The following NCAM1 variants were observed in gnomAD, a reference collection of about 807,000 sequenced individuals.
The protein encoded by NCAM1 is neural cell adhesion molecule 1.
Under a neutral mutation model 109.8 loss-of-function variants are expected in NCAM1, and 14 were observed. That is an observed-to-expected ratio of 0.13 (90% CI 0.08 to 0.20). The LOEUF (loss-of-function observed/expected upper bound fraction) is 0.20, where lower values mean the gene tolerates loss of function less well. Among genes scored for constraint, NCAM1 ranks in the 10% least tolerant of loss-of-function variants. NCAM1 has a pLI of 1.00. For missense variants in NCAM1, 774 were observed against 1,109.9 expected (o/e 0.70, Z 4.30); for synonymous variants, 418 against 442.9 (o/e 0.94, Z 0.70).
intron 1 of NCAM1, among the ~76,000 whole-genome samples, chr11:112,965,549 C>T (rs1337267733): frequency 6.6e-6 from 1 of 152,176 alleles, no homozygotes; most frequent in Admixed American, 6.5e-5. Flanking sequence ...AATCTTTAGA[C>T]ATGTTTTTGT....
rs189409842 is a variant in NCAM1, at chr11:112,990,745, G to T, written c.52+29081G>T. Among the ~76,000 whole-genome samples, 9 of 152,298 alleles carry T rather than the reference G, an allele frequency of 5.9e-5. No homozygotes were observed. In the East Asian group the frequency reaches 1.7e-3, roughly 29 times the overall value. ...AGGACAATGATCAAACAGAGCTGTA[G>T]CTGAGTCCACAGGAGTATGGAAGCC... On this transcript the variant is annotated intron_variant, in intron 1 of 19. Coordinates refer to ENST00000316851, the MANE Select transcript of NCAM1 (RefSeq NM_181351.5).
intron 1 of NCAM1, among the ~76,000 whole-genome samples, chr11:113,021,238 CT>C (rs1214054787): frequency 3.9e-5 from 6 of 152,320 alleles, no homozygotes; most frequent in South Asian, 4.1e-4. Flanking sequence ...CAGATCATCA[CT>C]GCAAAGGATC....
intron 9 of NCAM1, among the ~76,000 whole-genome samples, chr11:113,230,881 G>A (rs573805645): frequency 5.4e-4 from 82 of 152,316 alleles, no homozygotes; most frequent in African/African-American, 1.9e-3. Flanking sequence ...TAAGGACTAT[G>A]TGCTTATTCT....
At chr11:113,208,101 A>G in intron 7 of NCAM1, 99 bp downstream of exon 7, 1 of 1,347,300 alleles carries the variant, frequency 7.4e-7, no homozygotes, top group Non-Finnish European at 1.0e-6. Context: ...CCCTCAGAAC[A>G]TAACCCAATG....
chr11:113,126,155 C>CAA (rs5794846), intron 1 of NCAM1, among the ~76,000 whole-genome samples: 234 of 140,766 alleles, frequency 1.7e-3, no homozygotes, highest in African/African-American at 4.0e-3. Flanking sequence ...TACCCTTTCT[C>CAA]AAAAAAAAAA....
At chr11:113,194,337 T>C (rs1325911212) in intron 1 of NCAM1, among the ~76,000 whole-genome samples, 1 of 152,222 alleles carries the variant, frequency 6.6e-6, no homozygotes, top group African/African-American at 2.4e-5. Flanking sequence ...AAAGCCATAT[T>C]CACCTTCTCC....
intron 1 of NCAM1, among the ~76,000 whole-genome samples, chr11:113,081,388 A>G (rs931476728): frequency 6.6e-6 from 1 of 152,206 alleles, no homozygotes; most frequent in Admixed American, 6.5e-5. Flanking sequence ...GGCATGAACA[A>G]TAGAGGAAGT....
At position 113,149,761 on chromosome 11, in the gene NCAM1, T is replaced by C. The variant is rs1942158255; in HGVS notation, c.53-52618T>C. On this transcript the variant is annotated intron_variant, in intron 1 of 19. Transcript: ENST00000316851. ...GCAGATGGATTAGCCAAACTTTGTTTCCTAGCCAGAGAACAAACTGAATTA... is the reference window on the plus strand; with the variant it reads ...GCAGATGGATTAGCCAAACTTTGTTCCCTAGCCAGAGAACAAACTGAATTA... Among the ~76,000 whole-genome samples the C allele has an allele frequency of 2.0e-5, 3 of 152,370 alleles. No individual in the cohort carries two copies. The South Asian group carries it at 6.2e-4, about 32-fold the overall frequency.
At chr11:112,975,217 C>T (rs1438717709) in intron 1 of NCAM1, among the ~76,000 whole-genome samples, 1 of 152,026 alleles carries the variant, frequency 6.6e-6, no homozygotes, top group Non-Finnish European at 1.5e-5. Context: ...GATAGAAAGA[C>T]GTGGACTTGG....
chr11:113,036,530 GC>G (rs1425444093), intron 1 of NCAM1, among the ~76,000 whole-genome samples: 6 of 151,950 alleles, frequency 3.9e-5, no homozygotes, highest in African/African-American at 1.4e-4. Flanking sequence ...CGTTGCCCCT[GC>G]CGCCTCTACT....
intron 1 of NCAM1, among the ~76,000 whole-genome samples, chr11:113,191,512 G>A (rs561693011): frequency 1.3e-5 from 2 of 152,298 alleles, no homozygotes; most frequent in South Asian, 4.2e-4. Context: ...AAGGGCTGTG[G>A]AGCTGGATCT....
chr11:113,067,840 G>T (rs1301110159), intron 1 of NCAM1, among the ~76,000 whole-genome samples: 1 of 151,738 alleles, frequency 6.6e-6, no homozygotes, highest in Non-Finnish European at 1.5e-5. Flanking sequence ...TCTATTGGGA[G>T]ACTTCTGAGA....
chr11:113,180,226 C>G (rs1270345319), intron 1 of NCAM1, among the ~76,000 whole-genome samples: 1 of 152,142 alleles, frequency 6.6e-6, no homozygotes, highest in African/African-American at 2.4e-5. Context: ...TCAGAGGTTG[C>G]AGAGAACAGT....
chr11:113,238,462 T>C (rs1945237197), intron 14 of NCAM1, among the ~76,000 whole-genome samples: 1 of 152,188 alleles, frequency 6.6e-6, no homozygotes, highest in African/African-American at 2.4e-5. Flanking sequence ...AAGTGAGGAC[T>C]TAGCCCACGG....
At chr11:113,044,067 G>A (rs1953177938) in intron 1 of NCAM1, among the ~76,000 whole-genome samples, 1 of 152,004 alleles carries the variant, frequency 6.6e-6, no homozygotes. Context: ...TTAACTAAAG[G>A]AAATAAAACT....
At chr11:113,012,097 C>A (rs531392505) in intron 1 of NCAM1, among the ~76,000 whole-genome samples, 1 of 151,870 alleles carries the variant, frequency 6.6e-6, no homozygotes, top group Non-Finnish European at 1.5e-5. Context: ...TGGCTCACTG[C>A]AACCTCCATC....
chr11:113,204,337 A>G lies in NCAM1; in HGVS notation c.179A>G (p.Glu60Gly), dbSNP rs1555112448. 3 of 1,613,772 alleles carry G rather than the reference A, an allele frequency of 1.9e-6. No homozygotes were observed. The highest frequency in any genetic ancestry group is 3.3e-5 in the Admixed American group (2 of 59,996). The change falls in exon 3 of 20, where the codon GAA becomes GGA. Residue 60 changes from glutamate to glycine, a missense_variant. Glu to Gly is a moderately conservative substitution (Grantham distance 98, BLOSUM62 -2). This residue lies in a region of NCAM1 where 112 missense variants were observed against 142.0 expected (regional missense o/e 0.79). Transcript: ENST00000316851. ...KDISWFSPNG[E>G]KLTPNQQRIS... ...ATCTCCTGGTTCTCCCCCAATGGAG[A>G]AAAGCTCACCCCAAACCAGCAGCGG... is the stretch of plus-strand genomic sequence containing the variant.
intron 1 of NCAM1, among the ~76,000 whole-genome samples, chr11:112,985,609 T>C (rs1265402838): frequency 1.3e-5 from 2 of 148,482 alleles, no homozygotes; most frequent in Non-Finnish European, 3.0e-5. Context: ...TAGTTTTCTG[T>C]ATACAGATTT....
intron 7 of NCAM1, 113 bp from the exon 8 acceptor site, chr11:113,214,256 T>C (rs782068100): frequency 1.8e-4 from 206 of 1,114,738 alleles, no homozygotes; most frequent in Non-Finnish European, 2.5e-4. Context: ...ACACCTAGAC[T>C]AGGGTCTTGT....
Sources: allele counts gnomAD v4.1 joint callset (sites outside exome capture counted in the v4.1 genomes callset), GRCh38; gene constraint gnomAD v4.1.1; regional missense constraint gnomAD v4.1.1; transcripts MANE v1.5; gene names NCBI Gene and HGNC (gene_info 2026-07-23, HGNC 2026-07-21).